SAMD5: variants seen among roughly 807,000 people sequenced by gnomAD.
SAMD5 encodes sterile alpha motif domain-containing protein 5.
Under a neutral mutation model 11.3 loss-of-function variants are expected in SAMD5, and 13 were observed. The ratio of observed to expected loss-of-function variants is 1.15; its 90% confidence interval spans 0.75 to 1.83. The LOEUF (loss-of-function observed/expected upper bound fraction) is 1.83, where lower values mean the gene tolerates loss of function less well. Among genes scored for constraint, SAMD5 ranks in the 40% most tolerant of loss-of-function variants. The pLI is 0.00. For missense variants in SAMD5, 255 were observed against 239.1 expected (o/e 1.07, Z -0.44); for synonymous variants, 129 against 111.3 (o/e 1.16, Z -1.00).
At chr6:147,588,551 C>T (rs1016936365) in intron 1 of SAMD5, among the ~76,000 whole-genome samples, 13 of 152,040 alleles carry the variant, frequency 8.6e-5, no homozygotes, top group African/African-American at 3.1e-4. Context: ...GTCTCAAACT[C>T]TTGGCCTCGG....
intron 1 of SAMD5, among the ~76,000 whole-genome samples, chr6:147,533,551 C>T (rs138296603): frequency 8.8e-4 from 133 of 151,986 alleles, no homozygotes; most frequent in Non-Finnish European, 1.1e-3. Flanking sequence ...TTTGCAAGAG[C>T]ATCAGTGGTG....
At chr6:147,874,119 G>C in the SAMD5 span, among the ~76,000 whole-genome samples, 2 of 152,158 alleles carry the variant, frequency 1.3e-5, no homozygotes, top group Admixed American at 1.3e-4. Flanking sequence ...AAAAACTTTA[G>C]GCAATGCTAA....
chr6:147,814,472 G>T, the SAMD5 span, among the ~76,000 whole-genome samples: 6 of 152,068 alleles, frequency 3.9e-5, no homozygotes, highest in African/African-American at 1.4e-4. Flanking sequence ...CTTAACATCT[G>T]TTGTAAAGTG....
At chr6:147,658,374 T>A (rs531899345) in intron 1 of SAMD5, among the ~76,000 whole-genome samples, 8 of 151,916 alleles carry the variant, frequency 5.3e-5, no homozygotes, top group African/African-American at 1.7e-4. Flanking sequence ...GAATTGTGTC[T>A]TTTTGCCCTT....
chr6:147,619,273 T>G (rs972341582), intron 1 of SAMD5, among the ~76,000 whole-genome samples: 3 of 152,230 alleles, frequency 2.0e-5, no homozygotes, highest in African/African-American at 7.2e-5. Flanking sequence ...AATGAATTAT[T>G]GACATGAATT....
chr6:147,737,558 T>C, downstream of SAMD5: 1 of 240,806 alleles, frequency 4.2e-6, no homozygotes, highest in East Asian at 9.7e-5. Flanking sequence ...TCCATTTAAG[T>C]TATTTGTTTC....
intron 1 of SAMD5, among the ~76,000 whole-genome samples, chr6:147,706,666 C>G (rs1791329162): frequency 6.6e-6 from 1 of 152,318 alleles, no homozygotes; most frequent in East Asian, 1.9e-4. Flanking sequence ...CCTGACTTTT[C>G]TGGTACTTGG....
intron 1 of SAMD5, among the ~76,000 whole-genome samples, chr6:147,521,380 T>C (rs1356897651): frequency 6.6e-6 from 1 of 152,110 alleles, no homozygotes; most frequent in Non-Finnish European, 1.5e-5. Context: ...CACATATTTT[T>C]CCCAAACATA....
At chr6:147,612,997 G>C (rs1158133026) in intron 1 of SAMD5, among the ~76,000 whole-genome samples, 4 of 151,932 alleles carry the variant, frequency 2.6e-5, no homozygotes, top group African/African-American at 9.7e-5. Context: ...TCAGGAATTC[G>C]AGACCAGCCT....
intron 1 of SAMD5, among the ~76,000 whole-genome samples, chr6:147,677,626 G>T (rs1404142673): frequency 2.0e-5 from 3 of 152,146 alleles, no homozygotes; most frequent in Admixed American, 1.3e-4. Flanking sequence ...TAAAGGGGCT[G>T]GGCAGCAGAA....
chr6:147,856,935 A>G, the SAMD5 span, among the ~76,000 whole-genome samples: 1 of 151,724 alleles, frequency 6.6e-6, no homozygotes, highest in South Asian at 2.1e-4. Flanking sequence ...GAATTAGCAG[A>G]GGGTGATTAG....
chr6:147,830,251 C>CTTTTTTTTTTTTTTT, the SAMD5 span, among the ~76,000 whole-genome samples: 33 of 84,930 alleles, frequency 3.9e-4, no homozygotes, highest in African/African-American at 5.6e-4. Flanking sequence ...TTCTTTCTTT[C>CTTTTTTTTTTTTTTT]TTTTTTTTTT....
the SAMD5 span, among the ~76,000 whole-genome samples, chr6:147,869,640 G>T: frequency 1.3e-5 from 2 of 152,024 alleles, no homozygotes; most frequent in African/African-American, 2.4e-5. Flanking sequence ...AAACAAACAG[G>T]TGCAATTAAC....
chr6:147,746,709 C>A, the SAMD5 span, among the ~76,000 whole-genome samples: 4 of 152,126 alleles, frequency 2.6e-5, no homozygotes, highest in African/African-American at 9.7e-5. Flanking sequence ...TTTAAGGAAC[C>A]AAAAGTGGGC....
chr6:147,709,302 T>C (rs1186713955), intron 1 of SAMD5, among the ~76,000 whole-genome samples: 12 of 152,228 alleles, frequency 7.9e-5, no homozygotes, highest in Admixed American at 7.9e-4. Flanking sequence ...ATTCTCTAAC[T>C]ACTCTGCCCT....
chr6:147,727,003 T>C (rs558821712), intron 1 of SAMD5, among the ~76,000 whole-genome samples: 3 of 152,318 alleles, frequency 2.0e-5, no homozygotes, highest in African/African-American at 4.8e-5. Context: ...AACTAAAAAC[T>C]AGCATTTCTA....
chr6:147,627,567 T>C (rs1282694292), intron 1 of SAMD5, among the ~76,000 whole-genome samples: 1 of 152,218 alleles, frequency 6.6e-6, no homozygotes, highest in East Asian at 1.9e-4. Context: ...CCATTCTGAA[T>C]GGCATCATTA....
chr6:147,659,881 G>A (rs1228582401), intron 1 of SAMD5, among the ~76,000 whole-genome samples: 1 of 152,140 alleles, frequency 6.6e-6, no homozygotes, highest in Non-Finnish European at 1.5e-5. Flanking sequence ...GTAGGTCACC[G>A]CCCTGTTGTG....
At chr6:147,940,416 C>T in the SAMD5 span, among the ~76,000 whole-genome samples, 1 of 152,092 alleles carries the variant, frequency 6.6e-6, no homozygotes, top group African/African-American at 2.4e-5. Context: ...CACCTTAAAG[C>T]GTGTTCATCA....
Sources: gnomAD v4.1 joint callset for allele counts (sites outside exome capture counted in the v4.1 genomes callset) on GRCh38, gnomAD v4.1.1 for gene constraint, MANE v1.5 for transcripts, NCBI Gene and HGNC (gene_info 2026-07-23, HGNC 2026-07-21) for gene names.